WDFY3: variants seen among roughly 807,000 people sequenced by gnomAD.
WDFY3 encodes WD repeat and FYVE domain-containing protein 3.
WDFY3 carries 66 observed loss-of-function variants against 409.6 expected under a neutral mutation model. That is an observed-to-expected ratio of 0.16 (90% CI 0.13 to 0.20). The LOEUF is 0.20. Ranked by LOEUF, WDFY3 falls within the 10% of genes least tolerant of loss-of-function variation. WDFY3 has a pLI of 1.00. For missense variants in WDFY3, 3,031 were observed against 4,298.1 expected, an observed-to-expected ratio of 0.71 and a Z score of 8.24; for synonymous variants, 1,521 against 1,537.1, an observed-to-expected ratio of 0.99 and a Z score of 0.25.
intron 2 of WDFY3, among the ~76,000 whole-genome samples, chr4:84,931,756 A>C (rs962347959): frequency 1.3e-5 from 2 of 152,150 alleles, no homozygotes; most frequent in African/African-American, 4.8e-5. Context: ...AAAAACTAAT[A>C]ACCTCATGTA....
At chr4:84,963,182 G>C (rs1775142096) in intron 1 of WDFY3, among the ~76,000 whole-genome samples, 1 of 151,290 alleles carries the variant, frequency 6.6e-6, no homozygotes, top group Non-Finnish European at 1.5e-5. Flanking sequence ...CCAGCATTTT[G>C]GGAGACAGAG....
At chr4:84,829,962 ACT>A (rs1755459922) in intron 8 of WDFY3, among the ~76,000 whole-genome samples, 3 of 151,858 alleles carry the variant, frequency 2.0e-5, no homozygotes, top group Admixed American at 1.3e-4. Context: ...CTTATCCCTG[ACT>A]CTGAGGATTT....
intron 23 of WDFY3, among the ~76,000 whole-genome samples, chr4:84,786,605 C>G (rs1180512400): frequency 6.6e-6 from 1 of 152,132 alleles, no homozygotes; most frequent in African/African-American, 2.4e-5. Context: ...AGCTACATGG[C>G]CTGAGTTTGA....
intron 2 of WDFY3, among the ~76,000 whole-genome samples, chr4:84,909,330 C>G (rs1767464602): frequency 6.6e-6 from 1 of 151,698 alleles, no homozygotes. Context: ...GTTCTTGTTA[C>G]AAAATATTTA....
chr4:84,860,011 T>C (rs1578855170), intron 4 of WDFY3, among the ~76,000 whole-genome samples: 1 of 152,226 alleles, frequency 6.6e-6, no homozygotes, highest in Non-Finnish European at 1.5e-5. Flanking sequence ...CAACAGCAAA[T>C]TGTAATGACT....
intron 3 of WDFY3, among the ~76,000 whole-genome samples, chr4:84,874,766 T>C (rs993562847): frequency 1.3e-5 from 2 of 152,152 alleles, no homozygotes; most frequent in Non-Finnish European, 2.9e-5. Context: ...ACTTTAGTTA[T>C]ACAGTCATGC....
chr4:84,743,525 A>G lies in WDFY3; in HGVS notation c.6073+175T>C, dbSNP rs550348049. Among the ~76,000 whole-genome samples, 4 of 152,310 alleles carry G rather than the reference A, an allele frequency of 2.6e-5. No homozygotes were observed. The South Asian group carries it at 6.2e-4, about 24-fold the overall frequency. On this transcript the variant is annotated intron_variant, in intron 37 of 67. Transcript: ENST00000295888. ...TCATATATTCACATGATGAAATACT[A>G]TAATGTACTCCTGCTACATGCAACA... is the stretch of plus-strand genomic sequence containing the variant.
At chr4:84,801,043 C>T (rs1319214160) in intron 17 of WDFY3, among the ~76,000 whole-genome samples, 2 of 151,976 alleles carry the variant, frequency 1.3e-5, no homozygotes, top group South Asian at 2.1e-4. Flanking sequence ...TAAGGGCTAA[C>T]GATGTTGGGG....
chr4:84,887,580 T>C (rs1042151569), intron 3 of WDFY3, among the ~76,000 whole-genome samples: 1 of 152,336 alleles, frequency 6.6e-6, no homozygotes, highest in Admixed American at 6.5e-5. Context: ...ATAGCCTTAA[T>C]ATCCATAGCC....
At chr4:84,816,675 C>T (rs1003358451) in intron 13 of WDFY3, among the ~76,000 whole-genome samples, 1 of 152,082 alleles carries the variant, frequency 6.6e-6, no homozygotes, top group African/African-American at 2.4e-5. Context: ...GAAAGTGAAA[C>T]ATTCGATTAT....
At chr4:84,883,940 T>C (rs376454440) in intron 3 of WDFY3, among the ~76,000 whole-genome samples, 1 of 152,232 alleles carries the variant, frequency 6.6e-6, no homozygotes, top group East Asian at 1.9e-4. Context: ...TATTTAATGA[T>C]CAAAATAAAA....
intron 47 of WDFY3, among the ~76,000 whole-genome samples, chr4:84,719,613 T>C (rs1331966569): frequency 6.6e-6 from 1 of 152,246 alleles, no homozygotes; most frequent in Non-Finnish European, 1.5e-5. Flanking sequence ...TCAATCCTGA[T>C]GTACTTTAAA....
At position 84,776,721 on chromosome 4, in the gene WDFY3, T is replaced by C. The variant is rs561049400; in HGVS notation, c.4519-1583A>G. On this transcript the variant is annotated intron_variant, in intron 27 of 67. Coordinates refer to ENST00000295888, the MANE Select transcript of WDFY3 (RefSeq NM_014991.6). ...CACATCCTTAGTAACTAATATAGTG[T>C]TTGCCTCAAAAATACTCAGCAAGTG... 9.9e-5 allele frequency among the ~76,000 whole-genome samples: 15 copies of C among 152,204 alleles called. No individual in the cohort carries two copies. The South Asian group carries it at 1.7e-3, about 17-fold the overall frequency.
intron 7 of WDFY3, among the ~76,000 whole-genome samples, chr4:84,834,970 A>G (rs1352542645): frequency 6.6e-6 from 1 of 152,198 alleles, no homozygotes; most frequent in Non-Finnish European, 1.5e-5. Context: ...GCAGCAGTGA[A>G]CTAGGAGTTG....
At chr4:84,759,721 T>A (rs1189249022) in intron 32 of WDFY3, among the ~76,000 whole-genome samples, 1 of 150,924 alleles carries the variant, frequency 6.6e-6, no homozygotes, top group Non-Finnish European at 1.5e-5. Flanking sequence ...CAATGGGGTT[T>A]TCTAGATATA....
intron 32 of WDFY3, 85 bp from the exon 33 acceptor site, chr4:84,757,246 T>C (rs1165004950): frequency 8.2e-7 from 1 of 1,218,686 alleles, no homozygotes; most frequent in Non-Finnish European, 1.2e-6. Context: ...TAATTCAGTA[T>C]GTGTTAACAT....
At chr4:84,928,750 CCTCTTA>C (rs1345699398) in intron 2 of WDFY3, among the ~76,000 whole-genome samples, 1 of 152,118 alleles carries the variant, frequency 6.6e-6, no homozygotes, top group African/African-American at 2.4e-5. Flanking sequence ...TAACCTCAGA[CCTCTTA>C]CTCTTAAATT....
At chr4:84,788,368 G>A (rs1468511829) in intron 22 of WDFY3, among the ~76,000 whole-genome samples, 3 of 152,150 alleles carry the variant, frequency 2.0e-5, no homozygotes, top group African/African-American at 7.2e-5. Context: ...AAGAGCTAGA[G>A]TTGATTTCAC....
chr4:84,737,635 T>C (rs1737678050), intron 40 of WDFY3, among the ~76,000 whole-genome samples: 1 of 152,208 alleles, frequency 6.6e-6, no homozygotes, highest in Non-Finnish European at 1.5e-5. Context: ...TATATATATG[T>C]AATTAACTAA....
Sources: allele counts gnomAD v4.1 joint callset (sites outside exome capture counted in the v4.1 genomes callset), GRCh38; gene constraint gnomAD v4.1.1; transcripts MANE v1.5; gene names NCBI Gene and HGNC (gene_info 2026-07-23, HGNC 2026-07-21).